Variants in BBS5 observed in about 807,000 individuals in gnomAD.
BBS5 encodes the protein BBSome complex member BBS5.
Under a neutral mutation model 50.2 loss-of-function variants are expected in BBS5, and 39 were observed. The ratio of observed to expected loss-of-function variants is 0.78; its 90% CI spans 0.60 to 1.01. BBS5 has a LOEUF of 1.01. Among genes scored for constraint, BBS5 ranks in the 50% least tolerant of loss-of-function variants. The probability of loss-of-function intolerance (pLI) is 0.00; values close to 1 mark genes in which losing one functional copy is unlikely to be tolerated. For missense variants in BBS5, 356 were observed against 401.5 expected (o/e 0.89, Z 0.97); for synonymous variants, 134 against 133.1 (o/e 1.01, Z -0.05).
chr2:169,479,763 T>G, intron 1 of BBS5, 151 bp downstream of exon 1: 1 of 883,896 alleles, frequency 1.1e-6, no homozygotes, highest in Admixed American at 2.0e-5. Flanking sequence ...TCGAGAGACC[T>G]CAGGCTGGTT....
chr2:169,482,214 T>C (rs746677959), intron 1 of BBS5, 37 bp from the exon 2 acceptor site: 1 of 1,295,378 alleles, frequency 7.7e-7, no homozygotes, highest in Admixed American at 1.7e-5. Context: ...CAGGTATAGT[T>C]GTAGCTATAA....
chr2:169,493,608 A>G (rs548717471), intron 6 of BBS5, 133 bp from the exon 7 acceptor site: 2 of 710,326 alleles, frequency 2.8e-6, no homozygotes, highest in African/African-American at 3.5e-5. Context: ...TACTGCCATC[A>G]ATGAATGATG....
chr2:169,499,950 T>C (rs2105301829), intron 9 of BBS5, among the ~76,000 whole-genome samples: 1 of 152,318 alleles, frequency 6.6e-6, no homozygotes, highest in East Asian at 1.9e-4. Flanking sequence ...CAGCCCCCTA[T>C]GAGCATGGAC....
In BBS5 at chr2:169,501,478, C is replaced by A. The variant is rs150436381; in HGVS notation, c.817-1617C>A. 1.5e-4 allele frequency among the ~76,000 whole-genome samples: 23 copies of A among 152,302 alleles called. No homozygotes were observed. The East Asian group carries it at 4.2e-3, about 28-fold the overall frequency. ...CGGTGGCTTATGCTTGTAATCCCAG[C>A]ATTTTGGAGCAGCCGAGGTGGGAGA... On this transcript the variant is annotated intron_variant, in intron 9 of 11. Coordinates refer to ENST00000295240, the MANE Select transcript of BBS5 (RefSeq NM_152384.3).
At chr2:169,494,671 G>A (rs1309547036) in intron 7 of BBS5, among the ~76,000 whole-genome samples, 1 of 152,058 alleles carries the variant, frequency 6.6e-6, no homozygotes, top group Admixed American at 6.6e-5. Context: ...TGATAAATAA[G>A]TGACTCAGTG....
chr2:169,499,364 G>GA (rs1409177762), intron 8 of BBS5, 122 bp from the exon 9 acceptor site: 4 of 1,083,564 alleles, frequency 3.7e-6, no homozygotes, highest in East Asian at 2.6e-5. Context: ...AAGTTTAATT[G>GA]AAAAAATGAA....
chr2:169,502,282 T>G (rs918581137), intron 9 of BBS5, among the ~76,000 whole-genome samples: 3 of 152,164 alleles, frequency 2.0e-5, no homozygotes, highest in Admixed American at 6.5e-5. Flanking sequence ...CCAACAATAC[T>G]GTGAGGCATA....
chr2:169,493,665 T>A, intron 6 of BBS5, 76 bp from the exon 7 acceptor site: 1 of 1,023,302 alleles, frequency 9.8e-7, no homozygotes, highest in East Asian at 2.4e-5. Context: ...TGTAATAAGT[T>A]ATTCTGGTGA....
At chr2:169,481,694 G>A (rs963159135) in intron 1 of BBS5, among the ~76,000 whole-genome samples, 48 of 151,128 alleles carry the variant, frequency 3.2e-4, no homozygotes, top group African/African-American at 1.2e-3. Flanking sequence ...TTTGTCACCT[G>A]TATCTATTTG....
intron 5 of BBS5, among the ~76,000 whole-genome samples, chr2:169,488,538 T>C (rs1683527246): frequency 6.6e-6 from 1 of 152,254 alleles, no homozygotes. Flanking sequence ...CTTTGCTTGC[T>C]CACTCACCCC....
chr2:169,499,377 T>G, intron 8 of BBS5, 109 bp from the exon 9 acceptor site: 1 of 1,170,002 alleles, frequency 8.5e-7, no homozygotes, highest in Non-Finnish European at 1.2e-6. Context: ...AAAATGAACT[T>G]ACGTATTATG....
At chr2:169,497,577 T>C in intron 7 of BBS5, 50 bp from the exon 8 acceptor site, 1 of 1,067,258 alleles carries the variant, frequency 9.4e-7, no homozygotes, top group East Asian at 2.4e-5. Flanking sequence ...AAAGAGTCAC[T>C]ATTCAGTTAA....
rs1683883652 is a variant in BBS5, at chr2:169,505,135, T to C, written c.*553T>C. 1 of 755,628 alleles carries C rather than the reference T, an allele frequency of 1.3e-6. No individual in the cohort carries two copies. The allele number at this position is 755,628 out of a possible 1,614,324, so 46.8% of individuals were successfully genotyped here. ...ACACCTGACTGGTTTTCGTATTTTT[T>C]TGGTGGAGACGGGGTTTCGCTGTGT... On this transcript the variant is annotated 3_prime_UTR_variant, in exon 12 of 12. Coordinates refer to ENST00000295240, the MANE Select transcript of BBS5 (RefSeq NM_152384.3).
At chr2:169,482,625 C>G (rs1440873677) in intron 2 of BBS5, 1 of 373,118 alleles carries the variant, frequency 2.7e-6, no homozygotes. Context: ...TTAGATCTGT[C>G]TTCCCAAAAA....
intron 10 of BBS5, among the ~76,000 whole-genome samples, chr2:169,504,020 CATG>C (rs1397750801): frequency 6.6e-6 from 1 of 152,124 alleles, no homozygotes; most frequent in Non-Finnish European, 1.5e-5. Flanking sequence ...TTTCTTGCCA[CATG>C]ATGATTAAGT....
chr2:169,504,516 G>T lies in BBS5; in HGVS notation c.960G>T (p.Leu320=). The T allele has an allele frequency of 6.2e-7, 1 of 1,613,974 alleles. No individual in the cohort carries two copies. The highest frequency in any genetic ancestry group is 1.1e-5 in the South Asian group (1 of 91,080). Residue 320 remains leucine (L), a synonymous_variant, in exon 12 of 12, where the codon CTG becomes CTT. Transcript: ENST00000295240. Reference sequence around the variant, plus strand: ...GTGAACCTGTATTTTCAGAAGAACTGGGGCTTGCAATAGAGAAATTGAAGG... The same window carrying T: ...GTGAACCTGTATTTTCAGAAGAACTTGGGCTTGCAATAGAGAAATTGAAGG... The part of the protein sequence containing the change: ...QDREPVFSEE[L]GLAIEKLKDG...
At chr2:169,482,796 T>G (rs1559120982) in intron 2 of BBS5, 1 of 167,428 alleles carries the variant, frequency 6.0e-6, no homozygotes, top group South Asian at 1.6e-4. Context: ...TGAAATCTAT[T>G]TGTAGGTCAA....
chr2:169,502,944 ATTAC>A (rs1351661878), intron 9 of BBS5, 147 bp from the exon 10 acceptor site: 32 of 675,736 alleles, frequency 4.7e-5, no homozygotes, highest in African/African-American at 3.8e-4. Context: ...GATTAGTTTT[ATTAC>A]TTGTTAGTTT....
chr2:169,488,710 T>C (rs1683531753), intron 5 of BBS5, among the ~76,000 whole-genome samples: 1 of 152,220 alleles, frequency 6.6e-6, no homozygotes, highest in Non-Finnish European at 1.5e-5. Flanking sequence ...CAGGAAGATG[T>C]TGAGAACAAC....
Sources: gnomAD v4.1 joint callset for allele counts (sites outside exome capture counted in the v4.1 genomes callset) on GRCh38, gnomAD v4.1.1 for gene constraint, MANE v1.5 for transcripts, NCBI Gene and HGNC (gene_info 2026-07-23, HGNC 2026-07-21) for gene names.